The following PCDHGA8 variants were observed in gnomAD, a reference collection of about 807,000 sequenced individuals.
The protein encoded by PCDHGA8 is protocadherin gamma subfamily A, 8, also known as protocadherin gamma-A8.
In PCDHGA8, 45 loss-of-function variants were observed where a neutral mutation model predicts 59.2. That is an observed-to-expected ratio of 0.76 (90% CI 0.60 to 0.98). The LOEUF (loss-of-function observed/expected upper bound fraction) is 0.98. Ranked by LOEUF, PCDHGA8 falls within the 50% of genes least tolerant of loss-of-function variation. The pLI is 0.00. For missense variants in PCDHGA8, 1,257 were observed against 1,196.2 expected (o/e 1.05, Z -0.75); for synonymous variants, 531 against 519.0 (o/e 1.02, Z -0.32).
At chr5:141,423,367 G>A (rs1478466218) in intron 1 of PCDHGA8, 2 of 1,614,068 alleles carry the variant, frequency 1.2e-6, no homozygotes, top group Admixed American at 1.7e-5. Context: ...CGTGCTGCTG[G>A]CACTCAGGCT....
chr5:141,398,753 G>A (rs141932976), intron 1 of PCDHGA8: 3 of 1,613,452 alleles, frequency 1.9e-6, no homozygotes, highest in East Asian at 2.2e-5. Flanking sequence ...AGTTACCATC[G>A]TTTAGTCCTG....
At chr5:141,500,615 A>G (rs1341597957) in intron 2 of PCDHGA8, among the ~76,000 whole-genome samples, 1 of 152,232 alleles carries the variant, frequency 6.6e-6, no homozygotes, top group East Asian at 1.9e-4. Flanking sequence ...ATTCCCAGTC[A>G]TACGGTACAT....
At chr5:141,481,013 A>G (rs1198627648) in intron 1 of PCDHGA8, among the ~76,000 whole-genome samples, 1 of 152,164 alleles carries the variant, frequency 6.6e-6, no homozygotes, top group Admixed American at 6.5e-5. Context: ...AGCCCAGATC[A>G]CACCACTGCA....
chr5:141,398,026 C>G, intron 1 of PCDHGA8: 2 of 1,446,724 alleles, frequency 1.4e-6, no homozygotes, highest in Admixed American at 2.6e-5. Context: ...TAAACTGGAA[C>G]TGGAACTAAA....
intron 1 of PCDHGA8, among the ~76,000 whole-genome samples, chr5:141,450,005 T>A (rs1439257597): frequency 1.0e-5 from 1 of 99,604 alleles, no homozygotes; most frequent in Non-Finnish European, 1.8e-5. Context: ...TTGCCATGTC[T>A]CTTTTTTTTT....
chr5:141,400,167 C>A, intron 1 of PCDHGA8: 1 of 1,614,082 alleles, frequency 6.2e-7, no homozygotes, highest in Non-Finnish European at 8.5e-7. Flanking sequence ...CCTCTGACCC[C>A]CAGGCTGAGC....
At chr5:141,451,019 G>A (rs1348607593) in intron 1 of PCDHGA8, among the ~76,000 whole-genome samples, 7 of 151,274 alleles carry the variant, frequency 4.6e-5, no homozygotes, top group Admixed American at 2.0e-4. Context: ...TAGTAGAGAC[G>A]AGGTTTCACC....
intron 1 of PCDHGA8, chr5:141,427,415 T>G: frequency 2.1e-6 from 1 of 465,414 alleles, no homozygotes; most frequent in Non-Finnish European, 4.3e-6. Context: ...CGAGAGAAAA[T>G]GGGGAGGTTA....
Position 141,476,023 on chromosome 5 carries a change from G to A in PCDHGA8, c.2425-18784G>A. 1 of 1,415,690 alleles carries A rather than the reference G, an allele frequency of 7.1e-7. No homozygotes were observed. The highest frequency in any genetic ancestry group is 2.3e-5 in the Admixed American group (1 of 43,980). 87.7% of individuals were successfully genotyped at this position (1,415,690 alleles called of 1,614,324 possible). A position where few individuals can be genotyped will look rare whatever the true frequency, so the allele number is the denominator to read the frequency against. ...CATCCAGAAAGCCATGTCGGACTCG[G>A]CGCCCAGCGCCCAAGCGCTAACCCG... On this transcript the variant is annotated intron_variant, in intron 1 of 3. Coordinates refer to ENST00000398604, the MANE Select transcript of PCDHGA8 (RefSeq NM_032088.2). This position sits in a 1 kb window ranked among gnomAD's most constrained non-coding sequence, Gnocchi z 7.6.
chr5:141,499,275 C>T (rs1259707742), intron 2 of PCDHGA8, among the ~76,000 whole-genome samples: 1 of 152,178 alleles, frequency 6.6e-6, no homozygotes, highest in African/African-American at 2.4e-5. Flanking sequence ...CTAGACTGTT[C>T]TCTGATGGCT....
chr5:141,489,229 G>A lies in PCDHGA8; in HGVS notation c.2425-5578G>A, dbSNP rs1188849525. 5.9e-6 allele frequency: 9 copies of A among 1,522,134 alleles called. No homozygotes were observed. In the Admixed American group the frequency reaches 6.4e-5, roughly 11 times the overall value. 94.3% of individuals were successfully genotyped at this position (1,522,134 alleles called of 1,614,324 possible). On this transcript the variant is annotated intron_variant, in intron 1 of 3. Transcript: ENST00000398604. The surrounding 1 kb of genome is among the most constrained non-coding windows in gnomAD (Gnocchi z 4.5). The stretch of plus-strand genomic sequence containing the variant: ...AGCACAGACTTACTCTCCACAAAGG[G>A]ACTTCTGGGTCATGGGGCCCAAGAC...
intron 1 of PCDHGA8, chr5:141,409,236 C>T (rs1305954301): frequency 1.2e-6 from 2 of 1,613,866 alleles, no homozygotes; most frequent in Non-Finnish European, 8.5e-7. Flanking sequence ...GACAACAGCC[C>T]AGAAATAATC....
intron 2 of PCDHGA8, among the ~76,000 whole-genome samples, chr5:141,495,452 C>G (rs543717781): frequency 1.3e-5 from 2 of 152,356 alleles, no homozygotes; most frequent in South Asian, 2.1e-4. Context: ...TTGTCCTGCT[C>G]TCTGTCTGTG....
In PCDHGA8 at chr5:141,434,786, T is replaced by A. The variant is rs867453805; in HGVS notation, c.2424+39549T>A. ...TTCACACTTCTAAAAAAAAAAAAAT[T>A]TTTTTTTCTGAGCTTGGAGAAATAT... On this transcript the variant is annotated intron_variant, in intron 1 of 3. Coordinates refer to ENST00000398604, the MANE Select transcript of PCDHGA8 (RefSeq NM_032088.2). 6.8e-4 allele frequency among the ~76,000 whole-genome samples: 102 copies of A among 150,682 alleles called. 1 individual carries two copies. The highest frequency in any genetic ancestry group is 1.8e-3 in the African/African-American group (72 of 40,898).
At chr5:141,494,999 G>T in intron 2 of PCDHGA8, 134 bp downstream of exon 2, 1 of 1,531,046 alleles carries the variant, frequency 6.5e-7, no homozygotes, top group Non-Finnish European at 8.8e-7. Context: ...GGGAGGTCTT[G>T]GTGTGCGGGG....
At position 141,402,884 on chromosome 5, in the gene PCDHGA8, T is replaced by C. The variant is rs73792196; in HGVS notation, c.2424+7647T>C. Reference sequence around the variant, plus strand: ...GAAAAGATCACCATACTTTGCAGGGTGGAAGAAAGAACCTGATGAAGCAGC... The same window carrying C: ...GAAAAGATCACCATACTTTGCAGGGCGGAAGAAAGAACCTGATGAAGCAGC... On this transcript the variant is annotated intron_variant, in intron 1 of 3. Transcript: ENST00000398604. The C allele has an allele frequency of 1.4e-3, 2,074 of 1,481,580 alleles. 26 individuals carry two copies. The African/African-American group carries it at 0.026, about 18-fold the overall frequency. The allele number at this position is 1,481,580 out of a possible 1,614,324, so 91.8% of individuals were successfully genotyped here.
At chr5:141,452,256 C>T (rs533770410) in intron 1 of PCDHGA8, among the ~76,000 whole-genome samples, 1 of 152,298 alleles carries the variant, frequency 6.6e-6, no homozygotes, top group African/African-American at 2.4e-5. Flanking sequence ...CCATAACTCT[C>T]TCATTTTCTT....
chr5:141,415,107 A>T, intron 1 of PCDHGA8: 1 of 1,613,624 alleles, frequency 6.2e-7, no homozygotes, highest in Non-Finnish European at 8.5e-7. Flanking sequence ...CGCTCAAGCA[A>T]AGCCTCGTAG....
chr5:141,394,892 C>T lies in PCDHGA8; in HGVS notation c.2079C>T (p.Leu693=), dbSNP rs267600457. 4.5e-4 allele frequency: 723 copies of T among 1,613,752 alleles called. No individual in the cohort carries two copies. The highest frequency in any genetic ancestry group is 5.8e-4 in the Non-Finnish European group (688 of 1,179,892). ...ACGATTCGAGCCTTACACTCTATCT[C>T]GTGGTGGCAGTGGCTGCCATCTCCT... The part of the protein sequence containing the change: ...DPNDSSLTLY[L]VVAVAAISCV... Residue 693 remains leucine (L), a synonymous_variant, in exon 1 of 4, where the codon CTC becomes CTT. Transcript: ENST00000398604.
Sources: allele counts gnomAD v4.1 joint callset (sites outside exome capture counted in the v4.1 genomes callset), GRCh38; gene constraint gnomAD v4.1.1; non-coding constraint Gnocchi (gnomAD v3.1); transcripts MANE v1.5; gene names NCBI Gene and HGNC (gene_info 2026-07-23, HGNC 2026-07-21).